Variants in TMTC1 observed in about 807,000 individuals in gnomAD.
TMTC1 encodes transmembrane O-mannosyltransferase targeting cadherins 1, also known as protein O-mannosyl-transferase TMTC1.
A neutral mutation model predicts 104.8 loss-of-function variants in TMTC1; 73 were observed. The observed-to-expected ratio is 0.70, with a 90% confidence interval of 0.58 to 0.85. The LOEUF is 0.85. Ranked by LOEUF, TMTC1 falls within the 40% of genes least tolerant of loss-of-function variation. The probability of loss-of-function intolerance (pLI) is 0.00; values close to 1 mark genes in which losing one functional copy is unlikely to be tolerated. For missense variants in TMTC1, 1,035 were observed against 1,096.1 expected, an observed-to-expected ratio of 0.94 and a Z score of 0.79; for synonymous variants, 434 against 428.7, an observed-to-expected ratio of 1.01 and a Z score of -0.15.
intron 12 of TMTC1, among the ~76,000 whole-genome samples, chr12:29,519,063 G>A (rs984600602): frequency 4.6e-5 from 7 of 152,100 alleles, no homozygotes; most frequent in Non-Finnish European, 2.9e-5. Flanking sequence ...CATAGCAATT[G>A]AAGCATTACT....
At chr12:29,569,758 T>C (rs1945615704) in intron 9 of TMTC1, among the ~76,000 whole-genome samples, 1 of 152,252 alleles carries the variant, frequency 6.6e-6, no homozygotes, top group South Asian at 2.1e-4. Context: ...ATGATATTTT[T>C]AACCAGAAGT....
intron 6 of TMTC1, among the ~76,000 whole-genome samples, chr12:29,627,015 T>A (rs374252142): frequency 2.0e-5 from 3 of 152,014 alleles, no homozygotes; most frequent in Non-Finnish European, 2.9e-5. Flanking sequence ...GGCAGGAGAA[T>A]TGCTTGAGCC....
rs1252025936 is a variant in TMTC1, at chr12:29,755,761, C to T, written c.679G>A (p.Gly227Arg). ...LVKETGITVF[G>R]VCLVYDLFSL... is the part of the protein sequence containing the mutation. ...AAGAGGTCATAAACCAAGCACACTC[C>T]AAACACCGTGATGCCTGTCTCTTTC... The change falls in exon 4 of 18, where the codon GGA becomes AGA. Residue 227 changes from glycine to arginine, a missense_variant. Transcript: ENST00000539277. 1 of 1,614,164 alleles carries T rather than the reference C, an allele frequency of 6.2e-7. No homozygotes were observed. The highest frequency in any genetic ancestry group is 1.1e-5 in the South Asian group (1 of 91,086).
chr12:29,642,967 A>C (rs887944206), intron 5 of TMTC1, among the ~76,000 whole-genome samples: 1 of 151,618 alleles, frequency 6.6e-6, no homozygotes, highest in African/African-American at 2.4e-5. Flanking sequence ...AAAAAAACCC[A>C]TCAAAAAGTG....
chr12:29,549,814 A>G (rs1236950422), intron 10 of TMTC1, among the ~76,000 whole-genome samples: 1 of 152,192 alleles, frequency 6.6e-6, no homozygotes, highest in Non-Finnish European at 1.5e-5. Context: ...AACAGGAGAT[A>G]ACATAAAAGA....
At chr12:29,596,693 G>C (rs159704) in intron 7 of TMTC1, among the ~76,000 whole-genome samples, 35,490 of 152,108 alleles carry the variant, frequency 0.23, 4,872 homozygotes, top group East Asian at 0.38. Context: ...TTTGAGTTGA[G>C]TGGCTCACTG....
Position 29,691,588 on chromosome 12 carries a change from T to C in TMTC1, c.939-58252A>G, listed in dbSNP as rs1683270489. ...GTTACAGTGACTGTCAAACTGACCATTACCGGAAGCCAAAACTGAGGAAAC... is the reference window on the plus strand; with the variant it reads ...GTTACAGTGACTGTCAAACTGACCACTACCGGAAGCCAAAACTGAGGAAAC... On this transcript the variant is annotated intron_variant, in intron 5 of 17. Coordinates refer to ENST00000539277, the MANE Select transcript of TMTC1 (RefSeq NM_001193451.2). Among the ~76,000 whole-genome samples, 2 of 144,030 alleles carry C rather than the reference T, an allele frequency of 1.4e-5. 1 individual carries two copies. Among genetic ancestry groups the C allele is most frequent in the African/African-American group, 5.1e-5 (2 of 39,276 alleles). 94.5% of individuals were successfully genotyped at this position (144,030 alleles called of 152,430 possible).
intron 6 of TMTC1, among the ~76,000 whole-genome samples, chr12:29,632,231 GA>G (rs1173170729): frequency 1.3e-5 from 2 of 152,146 alleles, no homozygotes; most frequent in South Asian, 2.1e-4. Context: ...TGACAGGATG[GA>G]AAGACCTTCA....
intron 9 of TMTC1, among the ~76,000 whole-genome samples, chr12:29,557,549 C>T (rs938606663): frequency 9.9e-5 from 15 of 152,274 alleles, no homozygotes; most frequent in African/African-American, 3.6e-4. Flanking sequence ...CTCCCAGGTT[C>T]AAGCGATTTT....
intron 9 of TMTC1, among the ~76,000 whole-genome samples, chr12:29,566,256 G>C (rs1945510595): frequency 2.0e-5 from 3 of 152,178 alleles, no homozygotes; most frequent in Admixed American, 6.5e-5. Context: ...AAACAGGAAG[G>C]TGATGTGGCT....
Position 29,666,228 on chromosome 12 carries a change from CTTTTTTTT to C in TMTC1, c.939-32900_939-32893del, listed in dbSNP as rs751968439. ...TCTTTTCTTTCTTTTTTTCTTTTTT[CTTTTTTTT>C]TTTTTTTTGGAGACGGAGTCTCGCT... On this transcript the variant is annotated intron_variant, in intron 5 of 17. Coordinates refer to ENST00000539277, the MANE Select transcript of TMTC1 (RefSeq NM_001193451.2). The C allele has an allele frequency of 3.5e-4, 130 of 366,288 alleles. 2 individuals carry two copies. The highest frequency in any genetic ancestry group is 2.5e-3 in the South Asian group (126 of 49,968). 22.7% of individuals were successfully genotyped at this position (366,288 alleles called of 1,614,324 possible). A position where few individuals can be genotyped will look rare whatever the true frequency, so the allele number is the denominator to read the frequency against.
intron 6 of TMTC1, among the ~76,000 whole-genome samples, chr12:29,629,238 G>A (rs1247775979): frequency 1.3e-5 from 2 of 151,720 alleles, no homozygotes; most frequent in Admixed American, 6.6e-5. Flanking sequence ...AGAGAATGGC[G>A]TGAACCCGGG....
intron 6 of TMTC1, among the ~76,000 whole-genome samples, chr12:29,624,695 C>G (rs932074195): frequency 2.0e-5 from 3 of 152,126 alleles, no homozygotes; most frequent in Non-Finnish European, 4.4e-5. Flanking sequence ...ATCTGTGAGG[C>G]CAGCCCTGAC....
intron 5 of TMTC1, among the ~76,000 whole-genome samples, chr12:29,688,054 G>C (rs916284749): frequency 3.3e-5 from 5 of 152,230 alleles, no homozygotes; most frequent in Middle Eastern, 3.4e-3. Flanking sequence ...GAAACATTTA[G>C]GAGGAAAGGG....
chr12:29,672,540 G>C (rs1373915060), intron 5 of TMTC1, among the ~76,000 whole-genome samples: 1 of 151,914 alleles, frequency 6.6e-6, no homozygotes, highest in Non-Finnish European at 1.5e-5. Flanking sequence ...TCCAGATCCA[G>C]GCAGCTTCAA....
Position 29,604,195 on chromosome 12 carries a change from T to G in TMTC1, c.1233A>C (p.Arg411Ser). ...ATAGTTACCTAGGCATGTAAAGGACTCTCTCCGCCACCACAAAACCCACCC... is the reference window on the plus strand; with the variant it reads ...ATAGTTACCTAGGCATGTAAAGGACGCTCTCCGCCACCACAAAACCCACCC... Reference protein sequence around the residue: ...FFRVGFVVAERVLYMPSMGYC... With the variant: ...FFRVGFVVAESVLYMPSMGYC... The change falls in exon 7 of 18, where the codon AGA becomes AGC. Residue 411 changes from arginine (R) to serine (S), a missense_variant. Arg to Ser is a moderately radical substitution (Grantham distance 110). Coordinates refer to ENST00000539277, the MANE Select transcript of TMTC1 (RefSeq NM_001193451.2). 6.2e-7 allele frequency: 1 copy of G among 1,613,724 alleles called. No homozygotes were observed. The highest frequency in any genetic ancestry group is 8.5e-7 in the Non-Finnish European group (1 of 1,179,808).
chr12:29,563,719 C>T (rs369837522), intron 9 of TMTC1, among the ~76,000 whole-genome samples: 7 of 152,262 alleles, frequency 4.6e-5, no homozygotes, highest in East Asian at 3.9e-4. Context: ...GCATTATGTT[C>T]GTCCAGACTT....
At chr12:29,657,119 G>A (rs1481524249) in intron 5 of TMTC1, among the ~76,000 whole-genome samples, 2 of 152,298 alleles carry the variant, frequency 1.3e-5, no homozygotes, top group East Asian at 1.9e-4. Context: ...TAAGCTCAGG[G>A]AACATGCTAT....
chr12:29,741,907 T>C (rs1942836917), intron 5 of TMTC1, among the ~76,000 whole-genome samples: 1 of 152,170 alleles, frequency 6.6e-6, no homozygotes, highest in African/African-American at 2.4e-5. Flanking sequence ...TGGGGATAAA[T>C]GCACAACCTC....
Sources: gnomAD v4.1 joint callset for allele counts (sites outside exome capture counted in the v4.1 genomes callset) on GRCh38, gnomAD v4.1.1 for gene constraint, MANE v1.5 for transcripts, NCBI Gene and HGNC (gene_info 2026-07-23, HGNC 2026-07-21) for gene names.